The following ARHGAP39 variants were observed in gnomAD, a reference collection of about 807,000 sequenced individuals.
ARHGAP39 encodes rho GTPase-activating protein 39.
In ARHGAP39, 44 loss-of-function variants were observed where a neutral mutation model predicts 106.9. The ratio of observed to expected loss-of-function variants is 0.41; its 90% CI spans 0.32 to 0.53. The LOEUF is 0.53. Ranked by LOEUF, ARHGAP39 falls within the 20% of genes least tolerant of loss-of-function variation. The pLI is 0.21. For synonymous variants in ARHGAP39, 768 were observed against 693.2 expected, an observed-to-expected ratio of 1.11 and a Z score of -1.69; for missense variants, 1,496 against 1,577.3, an observed-to-expected ratio of 0.95 and a Z score of 0.87.
chr8:144,588,517 G>A (rs1819265455), intron 2 of ARHGAP39, among the ~76,000 whole-genome samples: 1 of 152,246 alleles, frequency 6.6e-6, no homozygotes, highest in Non-Finnish European at 1.5e-5. Flanking sequence ...GTATGCAGCA[G>A]GGACAGAACT....
In ARHGAP39 at chr8:144,604,674, C is replaced by G. The variant is rs1009251366; in HGVS notation, c.80+861G>C. Among the ~76,000 whole-genome samples the G allele has an allele frequency of 7.2e-5, 11 of 152,052 alleles. No homozygotes were observed. Among genetic ancestry groups the G allele is most frequent in the Non-Finnish European group, 1.6e-4 (11 of 68,024 alleles). On this transcript the variant is annotated intron_variant, in intron 2 of 11. Transcript: ENST00000377307. The surrounding 1 kb of genome is among the most constrained non-coding windows in gnomAD (Gnocchi z 4.1). Reference sequence around the variant, plus strand: ...GGCAGAGAAAAGCTGTGGAATTCTTCCAGATTAAAAAAGGCCAAGGAGAGA... The same window carrying G: ...GGCAGAGAAAAGCTGTGGAATTCTTGCAGATTAAAAAAGGCCAAGGAGAGA...
intron 4 of ARHGAP39, among the ~76,000 whole-genome samples, chr8:144,551,615 C>T (rs1316306146): frequency 3.3e-5 from 5 of 152,048 alleles, no homozygotes; most frequent in African/African-American, 9.7e-5. Context: ...CCCTGCCCCA[C>T]CCACCCTTCC....
chr8:144,642,532 G>A (rs978596827), intron 1 of ARHGAP39, among the ~76,000 whole-genome samples: 3 of 151,950 alleles, frequency 2.0e-5, no homozygotes, highest in Non-Finnish European at 4.4e-5. Flanking sequence ...AAATTAGCCA[G>A]GTGATACAGT....
chr8:144,637,861 TTTC>T (rs1202629098), intron 1 of ARHGAP39, among the ~76,000 whole-genome samples: 2 of 149,590 alleles, frequency 1.3e-5, no homozygotes, highest in African/African-American at 2.5e-5. Context: ...GATATTTTTC[TTTC>T]TTTTTTTTTT....
At position 144,670,655 on chromosome 8, in the gene ARHGAP39, G is replaced by A. The variant is rs926892485; in HGVS notation, c.-82+15031C>T. 2.0e-5 allele frequency among the ~76,000 whole-genome samples: 3 copies of A among 152,028 alleles called. No individual in the cohort carries two copies. The highest frequency in any genetic ancestry group is 4.4e-5 in the Non-Finnish European group (3 of 68,000). ...TGCTAACCCCAGGGCTGCCACATGA[G>A]CTGATCCCCACCATCTTCTCCTGCA... On this transcript the variant is annotated intron_variant, in intron 1 of 11. Coordinates refer to ENST00000377307, the MANE Select transcript of ARHGAP39 (RefSeq NM_025251.3). This position sits in a 1 kb window ranked among gnomAD's most constrained non-coding sequence, Gnocchi z 4.4.
At chr8:144,560,039 A>C (rs565893102) in intron 3 of ARHGAP39, among the ~76,000 whole-genome samples, 1 of 152,326 alleles carries the variant, frequency 6.6e-6, no homozygotes, top group African/African-American at 2.4e-5. Context: ...ACAAGTGTTT[A>C]TTTTCTTTTA....
At chr8:144,622,223 C>G (rs1452323533) in intron 1 of ARHGAP39, among the ~76,000 whole-genome samples, 1 of 152,114 alleles carries the variant, frequency 6.6e-6, no homozygotes, top group Admixed American at 6.5e-5. Flanking sequence ...GCGTGGGGGC[C>G]TTGGGGCACC....
At position 144,671,640 on chromosome 8, in the gene ARHGAP39, T is replaced by C. The variant is rs1213036309; in HGVS notation, c.-82+14046A>G. On this transcript the variant is annotated intron_variant, in intron 1 of 11. Transcript: ENST00000377307. The surrounding 1 kb of genome is among the most constrained non-coding windows in gnomAD (Gnocchi z 4.5). ...GAATAGCCCAAGGCTCAGCTGCTGA[T>C]ACTCCTCCTTTCCAGACAAGACACC... Among the ~76,000 whole-genome samples the C allele has an allele frequency of 6.6e-6, 1 of 152,228 alleles. No individual in the cohort carries two copies. Among genetic ancestry groups the C allele is most frequent in the Non-Finnish European group, 1.5e-5 (1 of 68,038 alleles).
chr8:144,596,336 C>A (rs1206824068), intron 2 of ARHGAP39, among the ~76,000 whole-genome samples: 1 of 152,046 alleles, frequency 6.6e-6, no homozygotes, highest in Non-Finnish European at 1.5e-5. Context: ...TGAGGCCTTG[C>A]CACCCCGGCG....
Position 144,591,205 on chromosome 8 carries a change from A to C in ARHGAP39, c.81-9928T>G, listed in dbSNP as rs1302036130. Among the ~76,000 whole-genome samples, 1 of 152,116 alleles carries C rather than the reference A, an allele frequency of 6.6e-6. No individual in the cohort carries two copies. Among genetic ancestry groups the C allele is most frequent in the Non-Finnish European group, 1.5e-5 (1 of 68,018 alleles). ...CCCTGTCCATACACCTCCTCTCCCC[A>C]GCCGGAGCCTGGACCCCAATGGACA... is the stretch of plus-strand genomic sequence containing the variant. On this transcript the variant is annotated intron_variant, in intron 2 of 11. Coordinates refer to ENST00000377307, the MANE Select transcript of ARHGAP39 (RefSeq NM_025251.3). This position sits in a 1 kb window ranked among gnomAD's most constrained non-coding sequence, Gnocchi z 5.3.
chr8:144,529,333 T>C lies in ARHGAP39; in HGVS notation c.*1089A>G, dbSNP rs1016551782. 5 of 160,554 alleles carry C rather than the reference T, an allele frequency of 3.1e-5. No homozygotes were observed. The highest frequency in any genetic ancestry group is 5.4e-5 in the Non-Finnish European group (4 of 73,910). The allele number at this position is 160,554 out of a possible 1,614,324, so 9.9% of individuals were successfully genotyped here. ...GCAGGGCTGGGGCTTTTGTTTTTAA[T>C]AAATAAAAACGGAACTCTAAAAAAT... On this transcript the variant is annotated 3_prime_UTR_variant, in exon 12 of 12. Coordinates refer to ENST00000377307, the MANE Select transcript of ARHGAP39 (RefSeq NM_025251.3).
intron 1 of ARHGAP39, among the ~76,000 whole-genome samples, chr8:144,666,766 G>T (rs1190428019): frequency 2.6e-5 from 4 of 152,112 alleles, no homozygotes; most frequent in Non-Finnish European, 4.4e-5. Context: ...GCTTGAAAAT[G>T]GACTAATACA....
At chr8:144,696,821 A>G in the ARHGAP39 span, among the ~76,000 whole-genome samples, 172 of 152,000 alleles carry the variant, frequency 1.1e-3, 1 homozygote, top group Middle Eastern at 3.4e-3. Flanking sequence ...CTAACTCCCC[A>G]TTCTCCCCTC....
Position 144,547,885 on chromosome 8 carries a change from C to T in ARHGAP39, c.1201G>A (p.Val401Met), listed in dbSNP as rs1333179624. The change falls in exon 5 of 12, where the codon GTG (valine) becomes ATG (methionine). Residue 401 changes from valine to methionine, a missense_variant. Transcript: ENST00000377307. This position sits in a 1 kb window ranked among gnomAD's most constrained non-coding sequence, Gnocchi z 5.2. ...TTGGGGCTGGAGCCCGCCTGCTCCA[C>T]GTAGACCAGCTGCCGCACGTACTCC... ...GKEYVRQLVYVEQAGSSPKLR... is the reference protein window; with the variant it reads ...GKEYVRQLVYMEQAGSSPKLR... 1.9e-6 allele frequency: 3 copies of T among 1,583,686 alleles called. No individual in the cohort carries two copies. Among genetic ancestry groups the T allele is most frequent in the Non-Finnish European group, 2.6e-6 (3 of 1,165,732 alleles).
intron 3 of ARHGAP39, among the ~76,000 whole-genome samples, chr8:144,576,361 C>G (rs1395412894): frequency 4.8e-4 from 65 of 136,144 alleles, no homozygotes; most frequent in African/African-American, 1.7e-3. Flanking sequence ...AAAAAAAGAA[C>G]GAAAAAAAAC....
chr8:144,602,565 C>G (rs1181458533), intron 2 of ARHGAP39, among the ~76,000 whole-genome samples: 1 of 132,286 alleles, frequency 7.6e-6, no homozygotes, highest in Non-Finnish European at 1.6e-5. Flanking sequence ...TGCGTGCGAG[C>G]TCGTGTACCT....
At chr8:144,669,494 G>A (rs1306838959) in intron 1 of ARHGAP39, among the ~76,000 whole-genome samples, 22 of 92,024 alleles carry the variant, frequency 2.4e-4, no homozygotes, top group African/African-American at 9.8e-4. Flanking sequence ...ATGATAGGGC[G>A]AGACTCGGTC....
In ARHGAP39 at chr8:144,586,953, C is replaced by A. The variant is rs1403724409; in HGVS notation, c.81-5676G>T. ...AACCCCCAAGTGTAGTGGGAGGGAA[C>A]AAGTGGAGGTAACTGAATCATGGGG... is the stretch of plus-strand genomic sequence containing the variant. On this transcript the variant is annotated intron_variant, in intron 2 of 11. Coordinates refer to ENST00000377307, the MANE Select transcript of ARHGAP39 (RefSeq NM_025251.3). The surrounding 1 kb of genome is among the most constrained non-coding windows in gnomAD (Gnocchi z 4.2). 6.6e-6 allele frequency among the ~76,000 whole-genome samples: 1 copy of A among 152,170 alleles called. No individual in the cohort carries two copies. Among genetic ancestry groups the A allele is most frequent in the Non-Finnish European group, 1.5e-5 (1 of 68,020 alleles).
intron 1 of ARHGAP39, among the ~76,000 whole-genome samples, chr8:144,683,821 T>A (rs550148454): frequency 6.6e-6 from 1 of 151,156 alleles, no homozygotes; most frequent in East Asian, 1.9e-4. Context: ...CAGTTTACAT[T>A]ACATTGGCAG....
Sources: allele counts gnomAD v4.1 joint callset (sites outside exome capture counted in the v4.1 genomes callset), GRCh38; gene constraint gnomAD v4.1.1; non-coding constraint Gnocchi (gnomAD v3.1); transcripts MANE v1.5; gene names NCBI Gene and HGNC (gene_info 2026-07-23, HGNC 2026-07-21).